The following TMEM67 variants were observed in gnomAD, a reference collection of about 807,000 sequenced individuals.
TMEM67 encodes the protein meckelin.
A neutral mutation model predicts 136.6 loss-of-function variants in TMEM67; 124 were observed. That is an observed-to-expected ratio of 0.91 (90% confidence interval 0.78 to 1.05). The LOEUF (loss-of-function observed/expected upper bound fraction) is 1.05, where lower values mean the gene tolerates loss of function less well. Ranked by LOEUF, TMEM67 falls within the 50% of genes least tolerant of loss-of-function variation. The pLI is 0.00. For missense variants in TMEM67, 1,107 were observed against 1,178.4 expected (o/e 0.94, Z 0.89); for synonymous variants, 364 against 390.5 (o/e 0.93, Z 0.80).
chr8:93,824,421 A>G, the TMEM67 span, among the ~76,000 whole-genome samples: 1 of 152,224 alleles, frequency 6.6e-6, no homozygotes, highest in Non-Finnish European at 1.5e-5. Context: ...GGAGGGTAAA[A>G]GGCTAGAAGA....
At chr8:93,815,710 C>A (rs112658866) in intron 27 of TMEM67, among the ~76,000 whole-genome samples, 1 of 152,150 alleles carries the variant, frequency 6.6e-6, no homozygotes, top group Non-Finnish European at 1.5e-5. Flanking sequence ...TAGGAAGACA[C>A]TTAACTGCTA....
At chr8:93,804,596 A>C (rs577992730) in intron 22 of TMEM67, among the ~76,000 whole-genome samples, 166 bp from the exon 23 acceptor site, 8 of 151,020 alleles carry the variant, frequency 5.3e-5, no homozygotes, top group South Asian at 2.1e-4. Context: ...AAAAAAAAAA[A>C]ACACAAACCT....
At chr8:93,765,671 T>A (rs1358113101) in intron 6 of TMEM67, 25 bp downstream of exon 6, 2 of 1,549,452 alleles carry the variant, frequency 1.3e-6, no homozygotes. Flanking sequence ...ATTTTTTTGT[T>A]CTGTTGTTAA....
intron 6 of TMEM67, among the ~76,000 whole-genome samples, chr8:93,771,013 CAA>C (rs768436450): frequency 3.2e-5 from 4 of 125,828 alleles, no homozygotes; most frequent in African/African-American, 2.8e-5. Flanking sequence ...AATTCCGTCT[CAA>C]AAAAAAAAAA....
intron 7 of TMEM67, among the ~76,000 whole-genome samples, chr8:93,777,592 G>T (rs1015390315): frequency 1.3e-5 from 2 of 152,120 alleles, no homozygotes; most frequent in Admixed American, 1.3e-4. Context: ...CTTTATTTCT[G>T]CCTTCATTTC....
At chr8:93,789,019 C>T (rs973584179) in intron 14 of TMEM67, among the ~76,000 whole-genome samples, 5 of 152,318 alleles carry the variant, frequency 3.3e-5, no homozygotes, top group Middle Eastern at 3.4e-3. Context: ...TTCTTCTGTA[C>T]GTTTTCCTCC....
chr8:93,818,215 G>A (rs370940181), downstream of TMEM67, among the ~76,000 whole-genome samples: 3 of 151,990 alleles, frequency 2.0e-5, no homozygotes, highest in Non-Finnish European at 4.4e-5. Context: ...GTCTATTTCT[G>A]TAGTACCCAA....
the TMEM67 span, among the ~76,000 whole-genome samples, chr8:93,831,911 T>G: frequency 1.3e-5 from 2 of 152,200 alleles, no homozygotes; most frequent in African/African-American, 4.8e-5. Flanking sequence ...ACTGCAAGTT[T>G]TAACCTTTGC....
chr8:93,809,193 G>A (rs750904446), intron 25 of TMEM67, 32 bp downstream of exon 25: 2 of 1,271,894 alleles, frequency 1.6e-6, no homozygotes, highest in East Asian at 2.3e-5. Context: ...TTTAAGCTGG[G>A]ATCAAATGCA....
chr8:93,810,923 G>A (rs1808675130), intron 26 of TMEM67, among the ~76,000 whole-genome samples: 1 of 152,138 alleles, frequency 6.6e-6, no homozygotes, highest in African/African-American at 2.4e-5. Context: ...GATTAAAACT[G>A]GTTTCATATT....
chr8:93,827,798 T>C, the TMEM67 span, among the ~76,000 whole-genome samples: 1 of 151,504 alleles, frequency 6.6e-6, no homozygotes, highest in South Asian at 2.1e-4. Context: ...CTGGTTTCAT[T>C]TGGGATGGAA....
intron 12 of TMEM67, 46 bp from the exon 13 acceptor site, chr8:93,786,177 A>G (rs1170450869): frequency 1.3e-6 from 2 of 1,581,066 alleles, no homozygotes; most frequent in Middle Eastern, 1.7e-4. Context: ...CAATAATTTC[A>G]TGTTTTAAAT....
At position 93,756,060 on chromosome 8, in the gene TMEM67, T is replaced by G. The variant is rs73694915; in HGVS notation, c.312+194T>G. 3,475 of 469,580 alleles carry G rather than the reference T, an allele frequency of 7.4e-3. 105 individuals carry two copies. The highest frequency in any genetic ancestry group is 0.061 in the African/African-American group (3,036 of 49,548). The allele number at this position is 469,580 out of a possible 1,614,324, so 29.1% of individuals were successfully genotyped here. A position where few individuals can be genotyped will look rare whatever the true frequency, so the allele number is the denominator to read the frequency against. ...CAAACTTGGAGAAAACAGAAATGTA[T>G]TTCTTTTAAAATCTGAAATCCAAAA... On this transcript the variant is annotated intron_variant, in intron 2 of 27. Coordinates refer to ENST00000453321, the MANE Select transcript of TMEM67 (RefSeq NM_153704.6).
the TMEM67 span, among the ~76,000 whole-genome samples, chr8:93,826,550 T>C: frequency 6.6e-6 from 1 of 152,186 alleles, no homozygotes; most frequent in Non-Finnish European, 1.5e-5. Context: ...AATTGGGTAG[T>C]GGAAAGTACA....
chr8:93,806,721 A>C (rs1815164937), intron 23 of TMEM67, among the ~76,000 whole-genome samples: 1 of 152,160 alleles, frequency 6.6e-6, no homozygotes, highest in South Asian at 2.1e-4. Context: ...TCACTTGATT[A>C]AACAATAGAA....
At chr8:93,825,061 A>G in the TMEM67 span, among the ~76,000 whole-genome samples, 1 of 152,232 alleles carries the variant, frequency 6.6e-6, no homozygotes, top group East Asian at 1.9e-4. Flanking sequence ...TATCTGCCTC[A>G]AGACCGTTGT....
downstream of TMEM67, among the ~76,000 whole-genome samples, chr8:93,821,576 C>T (rs905307254): frequency 2.0e-5 from 3 of 152,176 alleles, no homozygotes; most frequent in Non-Finnish European, 4.4e-5. Flanking sequence ...GTGTGTGAGC[C>T]ACTGCACCTA....
chr8:93,795,852 CAAAAA>C lies in TMEM67; in HGVS notation c.1774-45_1774-41del, dbSNP rs753903313. The C allele has an allele frequency of 4.4e-6, 6 of 1,374,768 alleles. No individual in the cohort carries two copies. In the South Asian group the frequency reaches 6.2e-5, roughly 14 times the overall value. 85.2% of individuals were successfully genotyped at this position (1,374,768 alleles called of 1,614,324 possible). ...CGAAAACAAAAAACAAACAAACAAA[CAAAAA>C]AAACTGTGTGTGATAATATTTAATC... On this transcript the variant is annotated intron_variant, in intron 17 of 27. Coordinates refer to ENST00000453321, the MANE Select transcript of TMEM67 (RefSeq NM_153704.6).
chr8:93,822,389 G>A (rs575813071), downstream of TMEM67, among the ~76,000 whole-genome samples: 47 of 152,322 alleles, frequency 3.1e-4, no homozygotes, highest in South Asian at 9.5e-3. Context: ...TGTTTACTAT[G>A]TAAAGTGAGG....
Sources: gnomAD v4.1 joint callset for allele counts (sites outside exome capture counted in the v4.1 genomes callset) on GRCh38, gnomAD v4.1.1 for gene constraint, MANE v1.5 for transcripts, NCBI Gene and HGNC (gene_info 2026-07-23, HGNC 2026-07-21) for gene names.